The following FAM20C variants were observed in gnomAD, a reference collection of about 807,000 sequenced individuals.
FAM20C encodes extracellular serine/threonine protein kinase FAM20C.
In FAM20C, 40 loss-of-function variants were observed where a neutral mutation model predicts 51.5. That is an observed-to-expected ratio of 0.78 (90% CI 0.60 to 1.01). The LOEUF is 1.01. Ranked by LOEUF, FAM20C falls within the 50% of genes least tolerant of loss-of-function variation. FAM20C has a pLI of 0.00. For missense variants in FAM20C, 861 were observed against 844.7 expected (o/e 1.02, Z -0.24); for synonymous variants, 406 against 380.6 (o/e 1.07, Z -0.78).
chr7:219,945 C>G (rs1787177143), intron 3 of FAM20C, among the ~76,000 whole-genome samples: 1 of 152,224 alleles, frequency 6.6e-6, no homozygotes, highest in Non-Finnish European at 1.5e-5. Flanking sequence ...GTGGACCCAG[C>G]AGAGGCCTGG....
At chr7:247,397 C>T (rs542259499) in intron 4 of FAM20C, among the ~76,000 whole-genome samples, 6 of 152,166 alleles carry the variant, frequency 3.9e-5, no homozygotes, top group Non-Finnish European at 8.8e-5. Context: ...CCTGCCTGCC[C>T]TGCACGGCCC....
intron 6 of FAM20C, chr7:256,453 T>C: frequency 3.4e-6 from 2 of 593,452 alleles, no homozygotes; most frequent in Non-Finnish European, 6.0e-6. Context: ...CCAGGTGGGG[T>C]CACCCCGAGG....
At chr7:244,308 G>A (rs1788064305) in intron 3 of FAM20C, among the ~76,000 whole-genome samples, 1 of 152,186 alleles carries the variant, frequency 6.6e-6, no homozygotes, top group South Asian at 2.1e-4. Context: ...TGTGGAATGA[G>A]TTTTGCTCAA....
intron 3 of FAM20C, among the ~76,000 whole-genome samples, chr7:210,189 T>A (rs1583292722): frequency 6.6e-6 from 1 of 152,172 alleles, no homozygotes; most frequent in Non-Finnish European, 1.5e-5. Flanking sequence ...CGGGAGCTGA[T>A]CCGCTGCCCC....
Position 246,440 on chromosome 7 carries a change from C to T in FAM20C, c.889C>T (p.Pro297Ser). 1 of 1,465,386 alleles carries T rather than the reference C, an allele frequency of 6.8e-7. No homozygotes were observed. The highest frequency in any genetic ancestry group is 2.1e-5 in the African/African-American group (1 of 47,258). The allele number at this position is 1,465,386 out of a possible 1,614,324, so 90.8% of individuals were successfully genotyped here. Residue 297 changes from proline (P) to serine (S), a missense_variant, in exon 4 of 10, where the codon CCT becomes TCT. Physicochemically the swap from Pro to Ser is moderately conservative, Grantham distance 74. Coordinates refer to ENST00000313766, the MANE Select transcript of FAM20C (RefSeq NM_020223.4). ...ACAAACGAGGGAGCAGGAGACACCC[C>T]CTGACTTTTTTTATTTCTCTGACTA... ...MKQTREQETP[P>S]DFFYFSDYER...
chr7:242,582 G>C (rs910748937), intron 3 of FAM20C, among the ~76,000 whole-genome samples: 1 of 152,136 alleles, frequency 6.6e-6, no homozygotes, highest in African/African-American at 2.4e-5. Flanking sequence ...GCCAGGGAGC[G>C]GGATGGACAG....
chr7:256,827 G>C, intron 7 of FAM20C, 64 bp downstream of exon 7: 2 of 1,473,026 alleles, frequency 1.4e-6, no homozygotes, highest in Non-Finnish European at 1.8e-6. Flanking sequence ...ATGCACGCAG[G>C]GCTCTGCAGG....
rs966635275 is a variant in FAM20C at position 255,942 on chromosome 7, C to T, written c.1166C>T (p.Ala389Val). The part of the protein sequence containing the change: ...GKPDQIEGSL[A>V]AFLPDLSLAK... Reference sequence around the variant, plus strand: ...CCAGACCAGATCGAGGGCTCGCTGGCGGCCTTCCTGCCCGACCTGTCCCTG... The same window carrying T: ...CCAGACCAGATCGAGGGCTCGCTGGTGGCCTTCCTGCCCGACCTGTCCCTG... The change falls in exon 6 of 10, where the codon GCG becomes GTG. Residue 389 changes from alanine to valine, a missense_variant. Physicochemically the swap from Ala to Val is moderately conservative, Grantham distance 64. Around this residue, in one of 3 missense-constraint regions of FAM20C, gnomAD observed 269 missense variants for 283.8 expected, o/e 0.95. Transcript: ENST00000313766. The T allele has an allele frequency of 5.2e-6, 8 of 1,536,268 alleles. No homozygotes were observed. Among genetic ancestry groups the T allele is most frequent in the Non-Finnish European group, 6.1e-6 (7 of 1,146,832 alleles).
intron 2 of FAM20C, among the ~76,000 whole-genome samples, chr7:208,570 A>G (rs2115065952): frequency 8.8e-6 from 1 of 113,434 alleles, no homozygotes; most frequent in East Asian, 2.9e-4. Flanking sequence ...GTGGGTGTGT[A>G]CATGGCTGTG....
At position 195,563 on chromosome 7, in the gene FAM20C, G is replaced by C. The variant is rs767807372; in HGVS notation, c.615G>C (p.Ala205=). The change falls in exon 2 of 10, where the codon GCG becomes GCC. Residue 205 remains alanine (A), a synonymous_variant. Coordinates refer to ENST00000313766, the MANE Select transcript of FAM20C (RefSeq NM_020223.4). ...TCGCTGCTCCCTGCAGGCCGCATGC[G>C]GGTGCTGAAGGTGCAGAATTCCTCT... ...KAAENPDWPH[A]GAEGAEFLSP... 19 of 1,581,394 alleles carry C rather than the reference G, an allele frequency of 1.2e-5. No individual in the cohort carries two copies. The highest frequency in any genetic ancestry group is 1.5e-5 in the Non-Finnish European group (18 of 1,161,670).
Position 195,596 on chromosome 7 carries a change from G to A in FAM20C, c.648G>A (p.Gly216=), listed in dbSNP as rs768409597. 4.4e-6 allele frequency: 7 copies of A among 1,599,832 alleles called. No homozygotes were observed. Among genetic ancestry groups the A allele is most frequent in the South Asian group, 2.2e-5 (2 of 89,124 alleles). ...AAGGTGCAGAATTCCTCTCCCCCGG[G>A]GAGGCGGCCGTGGACTCCTATCCCA... ...GAEGAEFLSP[G]EAAVDSYPNW... The change falls in exon 2 of 10, where the codon GGG becomes GGA. Residue 216 remains glycine, a synonymous_variant. Coordinates refer to ENST00000313766, the MANE Select transcript of FAM20C (RefSeq NM_020223.4).
At chr7:194,776 C>CA (rs1785766531) in intron 1 of FAM20C, among the ~76,000 whole-genome samples, 1 of 148,530 alleles carries the variant, frequency 6.7e-6, no homozygotes, top group Non-Finnish European at 1.5e-5. Context: ...ATCCTAGCCC[C>CA]CCACCCCGCC....
intron 5 of FAM20C, among the ~76,000 whole-genome samples, chr7:254,882 C>T (rs1317373538): frequency 3.9e-5 from 6 of 152,160 alleles, no homozygotes; most frequent in Admixed American, 1.3e-4. Flanking sequence ...GCCTCCTTCG[C>T]GGAGCACAGG....
chr7:245,614 G>A (rs774090330), intron 3 of FAM20C, among the ~76,000 whole-genome samples: 14 of 152,324 alleles, frequency 9.2e-5, no homozygotes, highest in African/African-American at 1.4e-4. Flanking sequence ...ACACGCTTAC[G>A]CGCTTACACA....
At chr7:220,979 G>C (rs28460441) in intron 3 of FAM20C, among the ~76,000 whole-genome samples, 50,939 of 90,286 alleles carry the variant, frequency 0.56, 11,676 homozygotes, top group South Asian at 0.62. Context: ...CAGGGCGGAG[G>C]CTCGTCTCCA....
intron 5 of FAM20C, among the ~76,000 whole-genome samples, chr7:252,925 C>G (rs983572884): frequency 2.6e-5 from 4 of 152,280 alleles, no homozygotes; most frequent in Non-Finnish European, 1.5e-5. Flanking sequence ...GTGCACAGGT[C>G]ATCCGTGCAC....
intron 3 of FAM20C, among the ~76,000 whole-genome samples, chr7:235,219 A>G (rs1787812591): frequency 6.6e-6 from 1 of 152,046 alleles, no homozygotes; most frequent in South Asian, 2.1e-4. Flanking sequence ...AACTGTTTAC[A>G]CTGAGCCCAG....
At chr7:256,203 C>T (rs1270514780) in intron 6 of FAM20C, 174 bp downstream of exon 6, 9 of 823,736 alleles carry the variant, frequency 1.1e-5, no homozygotes, top group African/African-American at 1.7e-5. Context: ...TGGCAGAGGG[C>T]GTCCTTACTC....
In FAM20C at chr7:193,542, G is replaced by A. The variant is rs754720957; in HGVS notation, c.343G>A (p.Glu115Lys). ...HSLEKLPPAA[E>K]PAERALRGRD... ...GCTGGAGAAACTGCCGCCCGCGGCC[G>A]AGCCGGCCGAGCGCGCCTTGCGGGG... The change falls in exon 1 of 10, where the codon GAG becomes AAG. Residue 115 changes from glutamate (E) to lysine (K), a missense_variant. Glu to Lys is a moderately conservative substitution (Grantham distance 56). This residue lies in a region of FAM20C where 561 missense variants were observed against 499.8 expected (regional missense o/e 1.12). Transcript: ENST00000313766. 2.0e-5 allele frequency: 30 copies of A among 1,494,580 alleles called. No homozygotes were observed. In the South Asian group the frequency reaches 2.8e-4, roughly 14 times the overall value. The allele number at this position is 1,494,580 out of a possible 1,614,324, so 92.6% of individuals were successfully genotyped here.
Sources: allele counts gnomAD v4.1 joint callset (sites outside exome capture counted in the v4.1 genomes callset), GRCh38; gene constraint gnomAD v4.1.1; regional missense constraint gnomAD v4.1.1; transcripts MANE v1.5; gene names NCBI Gene and HGNC (gene_info 2026-07-23, HGNC 2026-07-21).